SEMA3D: variants seen among roughly 807,000 people sequenced by gnomAD.
SEMA3D encodes the protein semaphorin 3D.
SEMA3D carries 84 observed loss-of-function variants against 100.1 expected under a neutral mutation model. The observed-to-expected ratio is 0.84, with a 90% CI of 0.70 to 1.01. SEMA3D has a LOEUF of 1.01. Ranked by LOEUF, SEMA3D falls within the 50% of genes least tolerant of loss-of-function variation. The pLI, the probability that SEMA3D is intolerant of heterozygous loss-of-function variation, is 0.00. For synonymous variants in SEMA3D, 312 were observed against 320.7 expected (o/e 0.97, Z 0.29); for missense variants, 875 against 934.1 (o/e 0.94, Z 0.82).
intron 11 of SEMA3D, among the ~76,000 whole-genome samples, chr7:85,039,020 A>T (rs1790779532): frequency 6.6e-6 from 1 of 152,138 alleles, no homozygotes; most frequent in Non-Finnish European, 1.5e-5. Context: ...AGGCAGTAAG[A>T]CCTTTTCTTC....
intron 1 of SEMA3D, among the ~76,000 whole-genome samples, chr7:85,156,909 T>G (rs1487732039): frequency 6.6e-6 from 1 of 152,134 alleles, no homozygotes; most frequent in Non-Finnish European, 1.5e-5. Context: ...CAAAAAGTAA[T>G]GGTTCTAAAC....
At position 85,037,032 on chromosome 7, in the gene SEMA3D, A is replaced by G. The variant is rs148335845; in HGVS notation, c.1048T>C (p.Ser350Pro). 2.9e-5 allele frequency: 46 copies of G among 1,609,684 alleles called. No homozygotes were observed. In the African/African-American group the frequency reaches 6.0e-4, roughly 21 times the overall value. ...VVYGVFTTTS[S>P]IFKGSAVCVY... is the part of the protein sequence containing the mutation. ...CAAACAGCAGAGCCTTTGAAGATGG[A>G]GCTGGAAAAAAAAAGCATCATCATT... The change falls in exon 12 of 19, where the codon TCC (serine) becomes CCC (proline). Residue 350 changes from serine (S) to proline (P), a missense_variant and splice_region_variant. Coordinates refer to ENST00000284136, the MANE Select transcript of SEMA3D (RefSeq NM_001384900.1).
chr7:85,025,230 T>C (rs1439775129), intron 12 of SEMA3D, among the ~76,000 whole-genome samples: 1 of 151,998 alleles, frequency 6.6e-6, no homozygotes, highest in Admixed American at 6.6e-5. Context: ...AGGAAACTTA[T>C]CTGTGTCTCT....
intron 3 of SEMA3D, among the ~76,000 whole-genome samples, chr7:85,121,076 A>T (rs1483235915): frequency 6.6e-6 from 1 of 152,144 alleles, no homozygotes; most frequent in Non-Finnish European, 1.5e-5. Context: ...TTCTCCCTAC[A>T]TCCCTTTTAT....
intron 4 of SEMA3D, among the ~76,000 whole-genome samples, chr7:85,095,770 G>A (rs1265074149): frequency 6.6e-6 from 1 of 151,974 alleles, no homozygotes; most frequent in African/African-American, 2.4e-5. Flanking sequence ...TATCAGTTAT[G>A]TAGATAACAT....
In SEMA3D at chr7:85,141,447, T is replaced by C. The variant is rs893690585; in HGVS notation, c.-41+12161A>G. 11 of 985,006 alleles carry C rather than the reference T, an allele frequency of 1.1e-5. No individual in the cohort carries two copies. The African/African-American group carries it at 1.6e-4, about 14-fold the overall frequency. 61.0% of individuals were successfully genotyped at this position (985,006 alleles called of 1,614,324 possible). ...TCTGTGCTAATATTTAAAAAAAAGATTGGTGTCTTGATCTTTCTCCACTGG... is the reference window on the plus strand; with the variant it reads ...TCTGTGCTAATATTTAAAAAAAAGACTGGTGTCTTGATCTTTCTCCACTGG... On this transcript the variant is annotated intron_variant, in intron 2 of 18. Transcript: ENST00000284136.
the SEMA3D span, among the ~76,000 whole-genome samples, chr7:85,248,790 T>TA: frequency 1.9e-3 from 276 of 147,626 alleles, 6 homozygotes; most frequent in South Asian, 0.029. Flanking sequence ...ATGGAAACGG[T>TA]AAAAAAAAAA....
At chr7:85,151,595 A>G (rs899308718) in intron 2 of SEMA3D, 9 of 817,956 alleles carry the variant, frequency 1.1e-5, no homozygotes, top group Admixed American at 2.1e-4. Context: ...GCATGTGTGT[A>G]TGCGTGTGTG....
intron 1 of SEMA3D, among the ~76,000 whole-genome samples, chr7:85,186,196 G>T (rs530401849): frequency 6.6e-6 from 1 of 152,282 alleles, no homozygotes; most frequent in African/African-American, 2.4e-5. Context: ...GGGCGCAGAT[G>T]CCCTTTGGTC....
At chr7:85,008,680 G>C (rs1789868708) in intron 17 of SEMA3D, among the ~76,000 whole-genome samples, 1 of 151,546 alleles carries the variant, frequency 6.6e-6, no homozygotes, top group African/African-American at 2.4e-5. Context: ...CAAAAGGCAG[G>C]GACACAACAC....
intron 9 of SEMA3D, among the ~76,000 whole-genome samples, chr7:85,045,617 A>G (rs1790986548): frequency 6.6e-6 from 1 of 151,914 alleles, no homozygotes; most frequent in African/African-American, 2.4e-5. Context: ...TTTTAATGCC[A>G]ATATCCTCAG....
the SEMA3D span, among the ~76,000 whole-genome samples, chr7:85,227,222 C>T: frequency 2.6e-5 from 4 of 152,122 alleles, no homozygotes; most frequent in Non-Finnish European, 5.9e-5. Context: ...AAAATATTCA[C>T]ATCATTATTC....
At chr7:85,116,610 T>A (rs1583938907) in intron 3 of SEMA3D, among the ~76,000 whole-genome samples, 1 of 151,976 alleles carries the variant, frequency 6.6e-6, no homozygotes, top group East Asian at 1.9e-4. Flanking sequence ...AACAGAATTT[T>A]GTTTCACTTA....
intron 3 of SEMA3D, among the ~76,000 whole-genome samples, chr7:85,100,396 T>C (rs564220405): frequency 6.6e-6 from 1 of 151,770 alleles, no homozygotes; most frequent in African/African-American, 2.4e-5. Context: ...CTATAAGTTA[T>C]CCAAATCCTT....
chr7:85,015,105 C>T lies in SEMA3D; in HGVS notation c.1657G>A (p.Ala553Thr), dbSNP rs1790060203. Reference sequence around the variant, plus strand: ...CGAGAGCATGCATTTCCATCCCAGGCACAGTAGGGGTCTCTGGCAAGACAA... The same window carrying T: ...CGAGAGCATGCATTTCCATCCCAGGTACAGTAGGGGTCTCTGGCAAGACAA... ...DCCLARDPYC[A>T]WDGNACSRYA... Residue 553 changes from alanine to threonine, a missense_variant, in exon 16 of 19, where the codon GCC becomes ACC. Physicochemically the swap from Ala to Thr is moderately conservative, Grantham distance 58. Transcript: ENST00000284136. 1 of 1,611,454 alleles carries T rather than the reference C, an allele frequency of 6.2e-7. No homozygotes were observed. The highest frequency in any genetic ancestry group is 1.3e-5 in the African/African-American group (1 of 74,700).
intron 9 of SEMA3D, among the ~76,000 whole-genome samples, chr7:85,049,102 T>G (rs1190289347): frequency 6.6e-6 from 1 of 151,688 alleles, no homozygotes; most frequent in East Asian, 1.9e-4. Context: ...CACCTACTAA[T>G]AATCTTGAAA....
At chr7:85,171,564 T>C (rs971278608) in intron 1 of SEMA3D, among the ~76,000 whole-genome samples, 6 of 151,962 alleles carry the variant, frequency 3.9e-5, no homozygotes, top group African/African-American at 1.4e-4. Flanking sequence ...ATCAACCTTT[T>C]TTTAGTGACC....
At chr7:85,013,102 T>G (rs1010055406) in intron 16 of SEMA3D, among the ~76,000 whole-genome samples, 19 of 151,804 alleles carry the variant, frequency 1.3e-4, no homozygotes, top group African/African-American at 4.1e-4. Flanking sequence ...TTTCTCTATT[T>G]TTTTCACAAA....
chr7:85,024,457 T>G (rs1790338463), intron 12 of SEMA3D, among the ~76,000 whole-genome samples: 1 of 151,884 alleles, frequency 6.6e-6, no homozygotes, highest in African/African-American at 2.4e-5. Context: ...GTTAAATAAT[T>G]AGAAATTTTA....
Sources: gnomAD v4.1 joint callset for allele counts (sites outside exome capture counted in the v4.1 genomes callset) on GRCh38, gnomAD v4.1.1 for gene constraint, MANE v1.5 for transcripts, NCBI Gene and HGNC (gene_info 2026-07-23, HGNC 2026-07-21) for gene names.